The following AP1B1 variants were observed in gnomAD, a reference collection of about 807,000 sequenced individuals.
AP1B1 encodes the protein AP-1 complex subunit beta-1.
A neutral mutation model predicts 104.3 loss-of-function variants in AP1B1; 36 were observed. The ratio of observed to expected loss-of-function variants is 0.35; its 90% CI spans 0.26 to 0.46. The LOEUF (loss-of-function observed/expected upper bound fraction) is 0.46. Ranked by LOEUF, AP1B1 falls within the 20% of genes least tolerant of loss-of-function variation. The probability of loss-of-function intolerance (pLI) is 1.00; values close to 1 mark genes in which losing one functional copy is unlikely to be tolerated. For missense variants in AP1B1, 901 were observed against 1,247.9 expected (o/e 0.72, Z 4.19); for synonymous variants, 504 against 517.5 (o/e 0.97, Z 0.35).
At chr22:29,346,800 G>GT (rs2061800578) in intron 11 of AP1B1, among the ~76,000 whole-genome samples, 1 of 152,108 alleles carries the variant, frequency 6.6e-6, no homozygotes, top group Non-Finnish European at 1.5e-5. Flanking sequence ...GCAGTGGGGG[G>GT]GGGTGACGGT....
chr22:29,371,764 C>A (rs2062242724), intron 1 of AP1B1, among the ~76,000 whole-genome samples: 1 of 151,752 alleles, frequency 6.6e-6, no homozygotes, highest in South Asian at 2.1e-4. Context: ...CAAGAAAAAG[C>A]TTAGGGTTTG....
At chr22:29,384,633 C>T (rs1002473002) in intron 1 of AP1B1, among the ~76,000 whole-genome samples, 14 of 151,916 alleles carry the variant, frequency 9.2e-5, no homozygotes, top group Non-Finnish European at 1.9e-4. Flanking sequence ...TTTGGGAGGC[C>T]GAGGCAGGCG....
In AP1B1 at chr22:29,338,961, CCCG is replaced by C. The variant is rs527770510; in HGVS notation, c.2163+26_2163+28del. 79 of 1,613,192 alleles carry C rather than the reference CCCG, an allele frequency of 4.9e-5. 2 individuals are homozygous for C. The East Asian group carries it at 1.6e-3, about 32-fold the overall frequency. ...CCAGTCTCCATAACTTCTCTCTGCT[CCCG>C]CCAAGACAGAAGACAAGTGACTTAC... On this transcript the variant is annotated intron_variant, in intron 16 of 22. Coordinates refer to ENST00000357586, the MANE Select transcript of AP1B1 (RefSeq NM_001127.4).
At position 29,360,959 on chromosome 22, in the gene AP1B1, T is replaced by G. The variant is rs416358; in HGVS notation, c.144-1000A>C. Among the ~76,000 whole-genome samples the G allele has an allele frequency of 1.4e-3, 209 of 152,122 alleles. 3 individuals are homozygous for G. The highest frequency in any genetic ancestry group is 3.4e-3 in the Middle Eastern group (1 of 294). On this transcript the variant is annotated intron_variant, in intron 3 of 22. Coordinates refer to ENST00000357586, the MANE Select transcript of AP1B1 (RefSeq NM_001127.4). ...GCAGGAGTCCTGCCAAAGCCAAAAT[T>G]TATGTGTCACCTTGGAAGATGATGC...
chr22:29,329,683 G>A (rs755033611), intron 22 of AP1B1, 29 bp downstream of exon 22: 2 of 1,613,352 alleles, frequency 1.2e-6, no homozygotes, highest in East Asian at 2.2e-5. Flanking sequence ...GGGGAGGGCG[G>A]ACGGGGAAAG....
In AP1B1 at chr22:29,369,007, T is replaced by C. The variant is rs923692800; in HGVS notation, c.-27-1737A>G. 2.6e-5 allele frequency among the ~76,000 whole-genome samples: 4 copies of C among 151,954 alleles called. No homozygotes were observed. The East Asian group carries it at 5.8e-4, about 22-fold the overall frequency. On this transcript the variant is annotated intron_variant, in intron 1 of 22. Coordinates refer to ENST00000357586, the MANE Select transcript of AP1B1 (RefSeq NM_001127.4). ...ATCCTACCTGTAGTTTTATGTGGTA[T>C]AGAAAACCACACAACTCCAAAAAAC...
intron 17 of AP1B1, 84 bp downstream of exon 17, chr22:29,334,181 G>T: frequency 5.2e-6 from 7 of 1,357,164 alleles, no homozygotes; most frequent in South Asian, 1.5e-5. Flanking sequence ...CCCCACCCCT[G>T]CCTGCAGTCC....
intron 2 of AP1B1, among the ~76,000 whole-genome samples, chr22:29,363,518 C>T (rs542992388): frequency 1.1e-3 from 173 of 152,154 alleles, no homozygotes; most frequent in Non-Finnish European, 2.0e-3. Flanking sequence ...CATAGTGGCG[C>T]GTGCCTGTAA....
chr22:29,338,898 C>A (rs1439505046), intron 16 of AP1B1, 92 bp downstream of exon 16: 3 of 1,545,858 alleles, frequency 1.9e-6, no homozygotes, highest in African/African-American at 1.4e-5. Context: ...TGGCCTGAGC[C>A]AATTCCACAG....
intron 19 of AP1B1, among the ~76,000 whole-genome samples, chr22:29,331,074 G>A (rs2061550323): frequency 6.6e-6 from 1 of 152,216 alleles, no homozygotes; most frequent in Non-Finnish European, 1.5e-5. Flanking sequence ...GGGGCAGGGT[G>A]CAGGCCGTCT....
At chr22:29,382,331 G>T (rs1005489476) in intron 1 of AP1B1, among the ~76,000 whole-genome samples, 1 of 152,170 alleles carries the variant, frequency 6.6e-6, no homozygotes, top group Non-Finnish European at 1.5e-5. Context: ...ACAGGCATGA[G>T]CCACGGCACC....
At chr22:29,341,912 A>C in intron 12 of AP1B1, 152 bp from the exon 13 acceptor site, 1 of 940,976 alleles carries the variant, frequency 1.1e-6, no homozygotes, top group South Asian at 1.7e-5. Flanking sequence ...TATACCACCT[A>C]CAGGGCCATG....
chr22:29,343,490 T>C (rs553165223), intron 11 of AP1B1, among the ~76,000 whole-genome samples: 2 of 152,344 alleles, frequency 1.3e-5, no homozygotes, highest in Admixed American at 6.5e-5. Context: ...AGATGAGCAG[T>C]AGGCTGGCTG....
intron 21 of AP1B1, 80 bp from the exon 22 acceptor site, chr22:29,329,800 C>T (rs1007268096): frequency 1.3e-5 from 21 of 1,598,056 alleles, no homozygotes; most frequent in South Asian, 3.4e-5. Flanking sequence ...ACCGAAGCCA[C>T]GCCACAGCCC....
chr22:29,340,704 C>T lies in AP1B1; in HGVS notation c.1950G>A (p.Ser650=), dbSNP rs773219752. 9 of 1,585,960 alleles carry T rather than the reference C, an allele frequency of 5.7e-6. No individual in the cohort carries two copies. Among genetic ancestry groups the T allele is most frequent in the Admixed American group, 3.6e-5 (2 of 55,334 alleles). ...GAAGGTCCACAGCTCCCATCTGCAC[C>T]GAGGAGGTGGCCAGGGGTGGGCCGC... ...PVSGPPLATS[S]VQMGAVDLLG... The change falls in exon 14 of 23, where the codon TCG becomes TCA. Residue 650 remains serine (S), a synonymous_variant. Coordinates refer to ENST00000357586, the MANE Select transcript of AP1B1 (RefSeq NM_001127.4).
intron 1 of AP1B1, among the ~76,000 whole-genome samples, chr22:29,376,627 T>C (rs541978111): frequency 6.6e-6 from 1 of 150,642 alleles, no homozygotes; most frequent in South Asian, 2.1e-4. Context: ...TGTTAGCTCA[T>C]GGACAGTCAA....
chr22:29,381,955 T>A (rs1455430664), intron 1 of AP1B1, among the ~76,000 whole-genome samples: 1 of 151,744 alleles, frequency 6.6e-6, no homozygotes, highest in Non-Finnish European at 1.5e-5. Context: ...AAATCTCAGC[T>A]TAGATGATCT....
intron 4 of AP1B1, 45 bp downstream of exon 4, chr22:29,359,779 G>A (rs1162387160): frequency 5.7e-6 from 9 of 1,583,892 alleles, no homozygotes; most frequent in Non-Finnish European, 7.7e-6. Flanking sequence ...GGGAGACAGA[G>A]CCTTAAGCAC....
At chr22:29,382,774 G>A (rs1035072658) in intron 1 of AP1B1, among the ~76,000 whole-genome samples, 17 of 152,162 alleles carry the variant, frequency 1.1e-4, no homozygotes, top group Admixed American at 4.6e-4. Flanking sequence ...CTGAGGAACA[G>A]AAGGGAAGTG....
Sources: allele counts gnomAD v4.1 joint callset (sites outside exome capture counted in the v4.1 genomes callset), GRCh38; gene constraint gnomAD v4.1.1; transcripts MANE v1.5; gene names NCBI Gene and HGNC (gene_info 2026-07-23, HGNC 2026-07-21).